The following GK5 variants were observed in gnomAD, a reference collection of about 807,000 sequenced individuals.
GK5 encodes glycerol kinase 5.
GK5 carries 39 observed loss-of-function variants against 77.3 expected under a neutral mutation model. The observed-to-expected ratio is 0.50, with a 90% CI of 0.39 to 0.66. The LOEUF (loss-of-function observed/expected upper bound fraction) is 0.66, where lower values mean the gene tolerates loss of function less well. GK5 is among the 30% of genes least tolerant of loss of function. The pLI is 0.00. For missense variants in GK5, 487 were observed against 633.8 expected (o/e 0.77, Z 2.49); for synonymous variants, 211 against 208.0 (o/e 1.01, Z -0.13).
chr3:142,219,930 C>G (rs566727126), intron 1 of GK5, among the ~76,000 whole-genome samples: 1 of 152,318 alleles, frequency 6.6e-6, no homozygotes, highest in South Asian at 2.1e-4. Context: ...GGCCACGCCA[C>G]TGCACTGCAG....
chr3:142,203,300 T>A (rs73872594), intron 4 of GK5, among the ~76,000 whole-genome samples: 2,270 of 152,244 alleles, frequency 0.015, 56 homozygotes, highest in African/African-American at 0.052. Flanking sequence ...TATGGCAAAA[T>A]TGTTTCACTC....
intron 5 of GK5, among the ~76,000 whole-genome samples, chr3:142,191,770 C>T (rs1410395313): frequency 6.6e-6 from 1 of 152,066 alleles, no homozygotes; most frequent in African/African-American, 2.4e-5. Context: ...TGCAGTGAGC[C>T]GAGATGATGC....
At chr3:142,173,793 A>C (rs546808885) in intron 12 of GK5, among the ~76,000 whole-genome samples, 4 of 152,204 alleles carry the variant, frequency 2.6e-5, no homozygotes, top group African/African-American at 9.6e-5. Flanking sequence ...GTCTCACAAG[A>C]GCGCTAACAC....
intron 1 of GK5, 80 bp from the exon 2 acceptor site, chr3:142,215,772 G>T: frequency 3.2e-6 from 2 of 629,112 alleles, no homozygotes; most frequent in Non-Finnish European, 2.8e-6. Context: ...AAAACTACTG[G>T]TTAAAATAAT....
chr3:142,185,899 C>T lies in GK5; in HGVS notation c.816+30G>A, dbSNP rs535234006. 13 of 1,583,646 alleles carry T rather than the reference C, an allele frequency of 8.2e-6. No individual in the cohort carries two copies. In the South Asian group the frequency reaches 1.4e-4, roughly 17 times the overall value. On this transcript the variant is annotated intron_variant, in intron 9 of 15. Transcript: ENST00000392993. ...ACATATTACTTTAGTTTATACTATACAAAGGGAATCCCTCAAGTTTCCTAC... is the reference window on the plus strand; with the variant it reads ...ACATATTACTTTAGTTTATACTATATAAAGGGAATCCCTCAAGTTTCCTAC...
At chr3:142,207,268 G>A (rs1422978235) in intron 3 of GK5, among the ~76,000 whole-genome samples, 4 of 152,106 alleles carry the variant, frequency 2.6e-5, no homozygotes, top group Admixed American at 2.6e-4. Context: ...GGCTATAAAC[G>A]CCCTCATCTT....
intron 12 of GK5, among the ~76,000 whole-genome samples, chr3:142,173,372 G>A (rs2063565414): frequency 2.0e-5 from 3 of 151,678 alleles, no homozygotes; most frequent in Admixed American, 2.0e-4. Context: ...AGAAATGTAA[G>A]GCAATTCTGG....
At chr3:142,199,612 A>G (rs1474659214) in intron 4 of GK5, among the ~76,000 whole-genome samples, 1 of 152,132 alleles carries the variant, frequency 6.6e-6, no homozygotes, top group Admixed American at 6.5e-5. Context: ...TTCCCTATAC[A>G]TTAAGTACTT....
At chr3:142,194,867 C>T (rs143701605) in intron 5 of GK5, among the ~76,000 whole-genome samples, 1 of 150,308 alleles carries the variant, frequency 6.7e-6, no homozygotes, top group Non-Finnish European at 1.5e-5. Flanking sequence ...CCTTTTATTA[C>T]ATTGTCATGC....
chr3:142,174,892 C>T (rs1391252090), intron 12 of GK5, among the ~76,000 whole-genome samples: 1 of 152,034 alleles, frequency 6.6e-6, no homozygotes. Context: ...TAAAAGGATG[C>T]ATAAGGTAGA....
At chr3:142,221,096 T>C (rs2064340587) in intron 1 of GK5, among the ~76,000 whole-genome samples, 1 of 152,094 alleles carries the variant, frequency 6.6e-6, no homozygotes, top group African/African-American at 2.4e-5. Flanking sequence ...TTCTAACATG[T>C]AGTATGAAAA....
rs1553825247 is a variant in GK5, at chr3:142,159,853, C to CTCTCTCTTTTTTTT, written c.*5768_*5769insAAAAAAAAGAGAGA. On this transcript the variant is annotated 3_prime_UTR_variant, in exon 16 of 16. Coordinates refer to ENST00000392993, the MANE Select transcript of GK5 (RefSeq NM_001039547.3). Reference sequence around the variant, plus strand: ...TTTCTCTCTCTCTCTCTCTCTCTCTCTTTTTTTTTTTTGAGACAGAGTCTC... The same window carrying CTCTCTCTTTTTTTT: ...TTTCTCTCTCTCTCTCTCTCTCTCTCTCTCTCTTTTTTTTTTTTTTTTTTTTGAGACAGAGTCTC... The CTCTCTCTTTTTTTT allele has an allele frequency of 1.5e-3, 160 of 106,090 alleles. No homozygotes were observed. The highest frequency in any genetic ancestry group is 6.3e-3 in the South Asian group (20 of 3,188). The allele number at this position is 106,090 out of a possible 1,614,324, so 6.6% of individuals were successfully genotyped here. A position where few individuals can be genotyped will look rare whatever the true frequency, so the allele number is the denominator to read the frequency against.
Position 142,165,505 on chromosome 3 carries a change from G to A in GK5, c.*117C>T, listed in dbSNP as rs2063464226. The A allele has an allele frequency of 1.5e-6, 1 of 684,372 alleles. No individual in the cohort carries two copies. The highest frequency in any genetic ancestry group is 2.3e-6 in the Non-Finnish European group (1 of 438,886). The allele number at this position is 684,372 out of a possible 1,614,324, so 42.4% of individuals were successfully genotyped here. A position where few individuals can be genotyped will look rare whatever the true frequency, so the allele number is the denominator to read the frequency against. On this transcript the variant is annotated 3_prime_UTR_variant, in exon 16 of 16. Transcript: ENST00000392993. ...TTAAAAGCAATGCTTCTTAAGTTAT[G>A]AAGCTTATTTAAAATTTTCTCCTCT...
At chr3:142,175,923 G>C (rs2063603747) in intron 12 of GK5, among the ~76,000 whole-genome samples, 1 of 150,758 alleles carries the variant, frequency 6.6e-6, no homozygotes, top group South Asian at 2.1e-4. Context: ...GCTAAGACAA[G>C]GTGACTACTA....
chr3:142,173,156 G>A (rs967199384), intron 12 of GK5: 5 of 429,614 alleles, frequency 1.2e-5, no homozygotes, highest in Middle Eastern at 1.2e-3. Flanking sequence ...AGCCGTGATC[G>A]CGTTACTGCA....
In GK5 at chr3:142,172,456, C is replaced by A; in HGVS notation, c.1144G>T (p.Ala382Ser). The A allele has an allele frequency of 6.5e-7, 1 of 1,537,296 alleles. No individual in the cohort carries two copies. The highest frequency in any genetic ancestry group is 9.0e-7 in the Non-Finnish European group (1 of 1,117,318). The change falls in exon 13 of 16, where the codon GCT (alanine) becomes TCT (serine). Residue 382 changes from alanine to serine, a missense_variant and splice_region_variant. Coordinates refer to ENST00000392993, the MANE Select transcript of GK5 (RefSeq NM_001039547.3). ...CFVPSFSGLQ[A>S]PLNDPWACAS... The stretch of plus-strand genomic sequence containing the variant: ...CATGCCCAGGGGTCATTTAATGGAG[C>A]CTACAGTAAGAGATAACAAGAATAT...
rs1371052388 is a variant in GK5 at position 142,161,288 on chromosome 3, A to C, written c.*4334T>G. On this transcript the variant is annotated 3_prime_UTR_variant, in exon 16 of 16. Coordinates refer to ENST00000392993, the MANE Select transcript of GK5 (RefSeq NM_001039547.3). The stretch of plus-strand genomic sequence containing the variant: ...GCTAATTTTTTTGTAGTTTTAATAG[A>C]GATGGGGTTTCTCCATGTTGGTCAG... 1.3e-5 allele frequency: 2 copies of C among 152,050 alleles called. No homozygotes were observed. 9.4% of individuals were successfully genotyped at this position (152,050 alleles called of 1,614,324 possible).
At position 142,179,499 on chromosome 3, in the gene GK5, T is replaced by C. The variant is rs1437483907; in HGVS notation, c.1049-1923A>G. 5.9e-5 allele frequency among the ~76,000 whole-genome samples: 9 copies of C among 152,108 alleles called. No individual in the cohort carries two copies. The East Asian group carries it at 1.5e-3, about 26-fold the overall frequency. ...GAGTTTGAATCCAGCCTGGGCAACA[T>C]AGCGAGACTCCTATCTCTTTAAAAA... is the stretch of plus-strand genomic sequence containing the variant. On this transcript the variant is annotated intron_variant, in intron 11 of 15. Transcript: ENST00000392993.
rs1255704185 is a variant in GK5, at chr3:142,157,933, T to TTTGTTG, written c.*7683_*7688dup. ...ACAAGTGCTATTTCTCTGGTTGTTT[T>TTTGTTG]TTGTTGTTGTTGTTGTTGTTTTTGT... On this transcript the variant is annotated 3_prime_UTR_variant, in exon 16 of 16. Transcript: ENST00000392993. 2.6e-5 allele frequency: 4 copies of TTTGTTG among 151,094 alleles called. No individual in the cohort carries two copies. Among genetic ancestry groups the TTTGTTG allele is most frequent in the Non-Finnish European group, 4.4e-5 (3 of 68,018 alleles). 9.4% of individuals were successfully genotyped at this position (151,094 alleles called of 1,614,324 possible).
Sources: allele counts gnomAD v4.1 joint callset (sites outside exome capture counted in the v4.1 genomes callset), GRCh38; gene constraint gnomAD v4.1.1; transcripts MANE v1.5; gene names NCBI Gene and HGNC (gene_info 2026-07-23, HGNC 2026-07-21).